OTUD7A: variants seen among roughly 807,000 people sequenced by gnomAD.
OTUD7A encodes the protein OTU domain-containing protein 7A.
In OTUD7A, 12 loss-of-function variants were observed where a neutral mutation model predicts 65.7. The ratio of observed to expected loss-of-function variants is 0.18; its 90% CI spans 0.12 to 0.30. The LOEUF (loss-of-function observed/expected upper bound fraction) is 0.30, where lower values mean the gene tolerates loss of function less well. OTUD7A is among the 10% of genes least tolerant of loss of function. The probability of loss-of-function intolerance (pLI) is 1.00; values close to 1 mark genes in which losing one functional copy is unlikely to be tolerated. For synonymous variants in OTUD7A, 641 were observed against 586.3 expected, an observed-to-expected ratio of 1.09 and a Z score of -1.35; for missense variants, 1,148 against 1,304.8, an observed-to-expected ratio of 0.88 and a Z score of 1.85.
chr15:31,528,715 A>G (rs1277071339), intron 6 of OTUD7A, among the ~76,000 whole-genome samples: 1 of 152,224 alleles, frequency 6.6e-6, no homozygotes, highest in Non-Finnish European at 1.5e-5. Context: ...ATCTGCCTAC[A>G]GGCCTGACTC....
chr15:31,820,570 T>A (rs190402309), intron 1 of OTUD7A, among the ~76,000 whole-genome samples: 5 of 152,314 alleles, frequency 3.3e-5, no homozygotes, highest in African/African-American at 1.2e-4. Context: ...ACTATTGCTA[T>A]CCTCATGCAT....
chr15:31,514,531 C>T (rs1237644827), intron 8 of OTUD7A, among the ~76,000 whole-genome samples: 1 of 152,228 alleles, frequency 6.6e-6, no homozygotes, highest in Non-Finnish European at 1.5e-5. Flanking sequence ...CTGATACCTC[C>T]AATTCCAATC....
At chr15:31,491,142 C>A (rs952271818) in intron 10 of OTUD7A, among the ~76,000 whole-genome samples, 11 of 147,386 alleles carry the variant, frequency 7.5e-5, no homozygotes, top group Middle Eastern at 3.5e-3. Context: ...AAAAAAAAAA[C>A]CCAACACATT....
intron 1 of OTUD7A, among the ~76,000 whole-genome samples, chr15:31,695,199 G>A (rs1237963385): frequency 8.3e-6 from 1 of 121,172 alleles, no homozygotes; most frequent in African/African-American, 2.5e-5. Flanking sequence ...GTGGTTCCAT[G>A]TCTTGGCTAT....
At chr15:31,556,519 A>G (rs1321036366) in intron 5 of OTUD7A, 5 of 152,232 alleles carry the variant, frequency 3.3e-5, no homozygotes, top group African/African-American at 1.2e-4. Context: ...AAGGTAAAAT[A>G]TAAGTGATAA....
At chr15:31,567,917 T>G (rs1888927688) in intron 4 of OTUD7A, among the ~76,000 whole-genome samples, 1 of 152,252 alleles carries the variant, frequency 6.6e-6, no homozygotes, top group South Asian at 2.1e-4. Context: ...CAAGAGTGAA[T>G]GAGGTTTGGC....
intron 8 of OTUD7A, among the ~76,000 whole-genome samples, chr15:31,506,966 G>A (rs184412726): frequency 6.6e-6 from 1 of 152,314 alleles, no homozygotes; most frequent in Non-Finnish European, 1.5e-5. Flanking sequence ...AGTACCATGT[G>A]TACAAATGTA....
At chr15:31,553,537 CTACAGTCTCGGGCTTTGCCT>C (rs1383743483) in intron 5 of OTUD7A, among the ~76,000 whole-genome samples, 1 of 152,116 alleles carries the variant, frequency 6.6e-6, no homozygotes, top group Non-Finnish European at 1.5e-5. Context: ...ACAAGTCTCA[CTACAGTCTCGGGCTTTGCCT>C]GACAGTGCTG....
At chr15:31,532,136 A>C (rs1173290558) in intron 5 of OTUD7A, among the ~76,000 whole-genome samples, 6 of 152,198 alleles carry the variant, frequency 3.9e-5, no homozygotes, top group Non-Finnish European at 5.9e-5. Context: ...AAACAAAAAA[A>C]ATCACTTATA....
chr15:31,726,048 GAC>G lies in OTUD7A; in HGVS notation c.-99-68973_-99-68972del, dbSNP rs1250110638. ...TAATGCAGTCCTCAACCCTGAGCCA[GAC>G]AGAGTTTTTTTTTTTTTTTGGTTCT... is the stretch of plus-strand genomic sequence containing the variant. On this transcript the variant is annotated intron_variant, in intron 1 of 12. Transcript: ENST00000307050. Among the ~76,000 whole-genome samples, 17 of 81,920 alleles carry G rather than the reference GAC, an allele frequency of 2.1e-4. 1 individual carries two copies. The highest frequency in any genetic ancestry group is 0.011 in the Middle Eastern group (2 of 176). 53.7% of individuals were successfully genotyped at this position (81,920 alleles called of 152,430 possible).
intron 5 of OTUD7A, among the ~76,000 whole-genome samples, chr15:31,541,015 C>G (rs185676847): frequency 6.6e-4 from 100 of 152,262 alleles, no homozygotes; most frequent in Middle Eastern, 3.4e-3. Flanking sequence ...TTTATAGAAG[C>G]ATAGGGAGAC....
intron 3 of OTUD7A, among the ~76,000 whole-genome samples, chr15:31,622,204 CTTCAT>C (rs773048723): frequency 1.3e-5 from 2 of 152,094 alleles, no homozygotes; most frequent in African/African-American, 2.4e-5. Flanking sequence ...ACATTTTTTC[CTTCAT>C]TTCAACTTTG....
At chr15:31,575,633 G>A (rs1002734802) in intron 3 of OTUD7A, among the ~76,000 whole-genome samples, 1 of 152,200 alleles carries the variant, frequency 6.6e-6, no homozygotes, top group South Asian at 2.1e-4. Flanking sequence ...CAGGCTTATA[G>A]AGCAGCCACT....
In OTUD7A at chr15:31,514,037, TTTTC is replaced by T. The variant is rs148926323; in HGVS notation, c.894-10223_894-10220del. On this transcript the variant is annotated intron_variant, in intron 8 of 12. Coordinates refer to ENST00000307050, the MANE Select transcript of OTUD7A (RefSeq NM_001382637.1). ...GACATCCTCATCATTTCTTTTTTTC[TTTTC>T]TTTCTTTCTTTCTTTCTTTTTTTTT... Among the ~76,000 whole-genome samples, 191 of 141,630 alleles carry T rather than the reference TTTTC, an allele frequency of 1.3e-3. 3 individuals carry two copies. Among genetic ancestry groups the T allele is most frequent in the East Asian group, 8.5e-3 (41 of 4,806 alleles). The allele number at this position is 141,630 out of a possible 152,430, so 92.9% of individuals were successfully genotyped here.
chr15:31,514,057 C>CT (rs375888532), intron 8 of OTUD7A, among the ~76,000 whole-genome samples: 5,785 of 22,568 alleles, frequency 0.26, 197 homozygotes, highest in Middle Eastern at 0.32. Flanking sequence ...TTCTTTCTTT[C>CT]TTTTTTTTTT....
At chr15:31,666,108 C>T (rs976780463) in intron 1 of OTUD7A, among the ~76,000 whole-genome samples, 1 of 151,808 alleles carries the variant, frequency 6.6e-6, no homozygotes, top group Non-Finnish European at 1.5e-5. Flanking sequence ...GGATATCAGT[C>T]TGTAGTTTTC....
chr15:31,815,921 C>T (rs1896537414), intron 1 of OTUD7A, among the ~76,000 whole-genome samples: 1 of 152,220 alleles, frequency 6.6e-6, no homozygotes, highest in South Asian at 2.1e-4. Flanking sequence ...AGGTCCCCAC[C>T]ATGTTCCCAG....
At chr15:31,532,413 A>G (rs929759632) in intron 5 of OTUD7A, among the ~76,000 whole-genome samples, 1 of 152,224 alleles carries the variant, frequency 6.6e-6, no homozygotes, top group African/African-American at 2.4e-5. Flanking sequence ...TACAACTCTG[A>G]TTTTAAAAAC....
At chr15:31,572,742 A>G (rs1002794898) in intron 3 of OTUD7A, among the ~76,000 whole-genome samples, 1 of 152,178 alleles carries the variant, frequency 6.6e-6, no homozygotes, top group Non-Finnish European at 1.5e-5. Context: ...AAGGAGTCAA[A>G]CTGTTTTAGG....
Sources: gnomAD v4.1 joint callset for allele counts (sites outside exome capture counted in the v4.1 genomes callset) on GRCh38, gnomAD v4.1.1 for gene constraint, MANE v1.5 for transcripts, NCBI Gene and HGNC (gene_info 2026-07-23, HGNC 2026-07-21) for gene names.